GRB10: variants seen among roughly 807,000 people sequenced by gnomAD.
The protein encoded by GRB10 is growth factor receptor bound protein 10.
In GRB10, 20 loss-of-function variants were observed where a neutral mutation model predicts 80.9. The observed-to-expected ratio is 0.25, with a 90% confidence interval of 0.17 to 0.36. The LOEUF is 0.36. Among genes scored for constraint, GRB10 ranks in the 10% least tolerant of loss-of-function variants. The pLI, the probability that GRB10 is intolerant of heterozygous loss-of-function variation, is 1.00. For synonymous variants in GRB10, 291 were observed against 291.5 expected, an observed-to-expected ratio of 1.00 and a Z score of 0.02; for missense variants, 548 against 747.7, an observed-to-expected ratio of 0.73 and a Z score of 3.12.
chr7:50,636,998 G>A (rs2055176849), intron 7 of GRB10, among the ~76,000 whole-genome samples: 1 of 152,022 alleles, frequency 6.6e-6, no homozygotes, highest in Non-Finnish European at 1.5e-5. Context: ...TTTGTTTTTT[G>A]GTAGGGTCTG....
intron 4 of GRB10, among the ~76,000 whole-genome samples, chr7:50,715,676 C>T (rs901161793): frequency 2.6e-5 from 4 of 152,114 alleles, no homozygotes; most frequent in African/African-American, 9.7e-5. Context: ...TTCTGAGTTC[C>T]AAAGCTGGGT....
chr7:50,618,522 C>T (rs1343664673), intron 9 of GRB10, among the ~76,000 whole-genome samples: 2 of 152,190 alleles, frequency 1.3e-5, no homozygotes, highest in Non-Finnish European at 2.9e-5. Flanking sequence ...GCTGCATTCC[C>T]CAAAAACAGT....
chr7:50,645,618 G>A (rs772199876), intron 7 of GRB10: 63 of 985,218 alleles, frequency 6.4e-5, no homozygotes, highest in African/African-American at 1.9e-4. Flanking sequence ...CCAATCGCCC[G>A]GAGTTCTCAG....
chr7:50,749,122 G>GTTTTTTT, intron 3 of GRB10, among the ~76,000 whole-genome samples: 1 of 73,528 alleles, frequency 1.4e-5, no homozygotes, highest in Non-Finnish European at 4.0e-5. Flanking sequence ...GTTTTGTTTT[G>GTTTTTTT]TTTTTTTGTT....
At chr7:50,769,257 A>C (rs1042929263) in intron 2 of GRB10, among the ~76,000 whole-genome samples, 2 of 152,162 alleles carry the variant, frequency 1.3e-5, no homozygotes, top group African/African-American at 4.8e-5. Context: ...TCCTGTTAAC[A>C]TTACTAAGTT....
intron 4 of GRB10, among the ~76,000 whole-genome samples, chr7:50,725,513 G>A (rs562705208): frequency 1.3e-5 from 2 of 152,316 alleles, no homozygotes; most frequent in African/African-American, 4.8e-5. Context: ...TGTAGGTCTA[G>A]TAGAAACTTT....
intron 7 of GRB10, among the ~76,000 whole-genome samples, chr7:50,648,077 G>C (rs921545380): frequency 1.3e-5 from 2 of 152,102 alleles, no homozygotes; most frequent in African/African-American, 4.8e-5. Context: ...GTAAACCGGG[G>C]AGTAATCAAC....
chr7:50,779,118 TTAA>T (rs2078013040), intron 2 of GRB10: 1 of 152,226 alleles, frequency 6.6e-6, no homozygotes, highest in African/African-American at 2.4e-5. Context: ...AATAGCATTA[TTAA>T]TAATAGTTCT....
chr7:50,792,426 A>G (rs1482047152), intron 1 of GRB10: 3 of 398,442 alleles, frequency 7.5e-6, no homozygotes, highest in East Asian at 3.6e-5. Flanking sequence ...CGCACACAAT[A>G]AAAAGTAAAG....
intron 2 of GRB10, among the ~76,000 whole-genome samples, chr7:50,770,648 C>T (rs1429014363): frequency 1.3e-5 from 2 of 152,172 alleles, no homozygotes; most frequent in Non-Finnish European, 2.9e-5. Context: ...TTTCTAGAGG[C>T]CAAATAGCAT....
intron 2 of GRB10, among the ~76,000 whole-genome samples, chr7:50,776,827 A>T (rs554281253): frequency 3.9e-5 from 6 of 152,314 alleles, no homozygotes; most frequent in Non-Finnish European, 8.8e-5. Context: ...CAGCATTCTG[A>T]TCACAGCCAC....
At chr7:50,610,115 G>A (rs142074885) in intron 13 of GRB10, among the ~76,000 whole-genome samples, 4 of 152,266 alleles carry the variant, frequency 2.6e-5, no homozygotes, top group African/African-American at 9.6e-5. Flanking sequence ...GGGATCCGGT[G>A]TCCTGTGTCC....
intron 6 of GRB10, among the ~76,000 whole-genome samples, chr7:50,671,262 C>T (rs149594150): frequency 2.4e-4 from 36 of 152,268 alleles, no homozygotes; most frequent in African/African-American, 8.4e-4. Context: ...TTAAACATAC[C>T]TCAGAAACCC....
intron 7 of GRB10, among the ~76,000 whole-genome samples, chr7:50,650,307 C>G (rs1424058705): frequency 1.3e-5 from 2 of 152,200 alleles, no homozygotes; most frequent in Non-Finnish European, 2.9e-5. Flanking sequence ...CCTAGTAGAA[C>G]AGAGCGCCAA....
intron 4 of GRB10, among the ~76,000 whole-genome samples, chr7:50,715,422 C>T (rs2066699190): frequency 6.6e-6 from 1 of 152,132 alleles, no homozygotes; most frequent in Admixed American, 6.5e-5. Flanking sequence ...AGTGACTTTT[C>T]CCAGTAAGAC....
At chr7:50,700,046 G>A (rs1354567396) in intron 5 of GRB10, among the ~76,000 whole-genome samples, 1 of 152,020 alleles carries the variant, frequency 6.6e-6, no homozygotes, top group African/African-American at 2.4e-5. Flanking sequence ...GGCTGAGGCA[G>A]GAGAATGGCA....
chr7:50,744,981 T>C (rs1436475838), intron 3 of GRB10, among the ~76,000 whole-genome samples: 6 of 152,346 alleles, frequency 3.9e-5, no homozygotes, highest in Non-Finnish European at 8.8e-5. Context: ...TGACAAACTT[T>C]AACTTTTTTA....
chr7:50,723,768 C>T (rs569880816), intron 4 of GRB10, among the ~76,000 whole-genome samples: 1 of 152,250 alleles, frequency 6.6e-6, no homozygotes, highest in African/African-American at 2.4e-5. Flanking sequence ...CTGCATGCCT[C>T]CTGGGCTGGC....
At chr7:50,619,718 C>T (rs527442461) in intron 8 of GRB10, among the ~76,000 whole-genome samples, 1 of 152,162 alleles carries the variant, frequency 6.6e-6, no homozygotes, top group Non-Finnish European at 1.5e-5. Flanking sequence ...GAGATAGAAG[C>T]TTTTTGATGA....
Sources: gnomAD v4.1 joint callset for allele counts (sites outside exome capture counted in the v4.1 genomes callset) on GRCh38, gnomAD v4.1.1 for gene constraint, MANE v1.5 for transcripts, NCBI Gene and HGNC (gene_info 2026-07-23, HGNC 2026-07-21) for gene names.